The following RBFOX1 variants were observed in gnomAD, a reference collection of about 807,000 sequenced individuals.
The protein encoded by RBFOX1 is RNA binding fox-1 homolog 1.
Under a neutral mutation model 57.7 loss-of-function variants are expected in RBFOX1, and 8 were observed. That is an observed-to-expected ratio of 0.14 (90% confidence interval 0.08 to 0.25). RBFOX1 has a LOEUF of 0.25. RBFOX1 is among the 10% of genes least tolerant of loss of function. The pLI, the probability that RBFOX1 is intolerant of heterozygous loss-of-function variation, is 1.00. For synonymous variants in RBFOX1, 326 were observed against 222.4 expected, an observed-to-expected ratio of 1.47 and a Z score of -4.15; for missense variants, 611 against 548.5, an observed-to-expected ratio of 1.11 and a Z score of -1.14.
At chr16:7,449,725 T>G (rs1411139462) in intron 4 of RBFOX1, among the ~76,000 whole-genome samples, 2 of 71,244 alleles carry the variant, frequency 2.8e-5, no homozygotes, top group Non-Finnish European at 6.0e-5. Context: ...TGTGTGTGTG[T>G]GTGTGGGGGG....
chr16:5,296,957 T>C (rs1232945567), intron 1 of RBFOX1, among the ~76,000 whole-genome samples: 1 of 152,138 alleles, frequency 6.6e-6, no homozygotes, highest in Non-Finnish European at 1.5e-5. Context: ...ATTACAGGCA[T>C]GAGCTACCAT....
At chr16:7,347,401 A>G (rs765483755) in intron 4 of RBFOX1, among the ~76,000 whole-genome samples, 5 of 152,114 alleles carry the variant, frequency 3.3e-5, no homozygotes, top group Non-Finnish European at 7.4e-5. Flanking sequence ...TTTTAAAATC[A>G]TCAGGTTTCA....
At chr16:5,423,555 T>A (rs575800824) in intron 1 of RBFOX1, among the ~76,000 whole-genome samples, 13 of 152,306 alleles carry the variant, frequency 8.5e-5, no homozygotes, top group African/African-American at 3.1e-4. Context: ...CCTGGGCTGT[T>A]GCTGCGTGTC....
At chr16:6,780,386 TA>T (rs1373789495) in intron 3 of RBFOX1, among the ~76,000 whole-genome samples, 1 of 99,950 alleles carries the variant, frequency 1.0e-5, no homozygotes, top group African/African-American at 4.7e-5. Context: ...TATTTATACA[TA>T]TTATATATAT....
intron 5 of RBFOX1, among the ~76,000 whole-genome samples, chr16:7,576,023 T>G (rs1170816155): frequency 6.6e-6 from 1 of 151,942 alleles, no homozygotes; most frequent in Non-Finnish European, 1.5e-5. Context: ...AGCCTTGATC[T>G]CCTGGGCTCC....
chr16:6,018,861 C>T (rs971525326), upstream of RBFOX1, among the ~76,000 whole-genome samples: 3 of 151,938 alleles, frequency 2.0e-5, 1 homozygote, highest in South Asian at 4.2e-4. Context: ...GGCTCATTGC[C>T]CCAGCATCCA....
chr16:5,834,750 C>G lies in RBFOX1; in HGVS notation c.319-32553C>G, dbSNP rs558164902. ...ACATAGATACATACATACATACATACATACATACATACATACATGCACAGA... is the reference window on the plus strand; with the variant it reads ...ACATAGATACATACATACATACATAGATACATACATACATACATGCACAGA... On this transcript the variant is annotated intron_variant, in intron 3 of 19. Coordinates refer to the RBFOX1 transcript ENST00000641259. 6.1e-5 allele frequency among the ~76,000 whole-genome samples: 9 copies of G among 147,260 alleles called. No individual in the cohort carries two copies. In the South Asian group the frequency reaches 1.1e-3, roughly 18 times the overall value.
chr16:6,938,560 C>G (rs1047161537), intron 3 of RBFOX1, among the ~76,000 whole-genome samples: 10 of 93,918 alleles, frequency 1.1e-4, no homozygotes, highest in Admixed American at 4.2e-4. Context: ...CACTGAATTA[C>G]TGTATTTTTT....
intron 3 of RBFOX1, among the ~76,000 whole-genome samples, chr16:5,792,643 G>A (rs188057275): frequency 6.6e-6 from 1 of 152,274 alleles, no homozygotes; most frequent in East Asian, 1.9e-4. Context: ...AGGAGTTTGA[G>A]ACCAGCCTGG....
chr16:5,345,717 G>A (rs1024351339), intron 1 of RBFOX1, among the ~76,000 whole-genome samples: 1 of 152,154 alleles, frequency 6.6e-6, no homozygotes, highest in Admixed American at 6.6e-5. Flanking sequence ...ATCTCTTTCC[G>A]ATGCATGGGA....
chr16:7,273,997 G>GGACC (rs1431247727), intron 4 of RBFOX1, among the ~76,000 whole-genome samples: 9 of 152,100 alleles, frequency 5.9e-5, no homozygotes, highest in Admixed American at 5.9e-4. Flanking sequence ...TGTGGTTGAA[G>GGACC]GACCCTCCTT....
rs186572624 is a variant in RBFOX1, at chr16:7,448,859, T to G, written c.28-69288T>G. 2.0e-3 allele frequency among the ~76,000 whole-genome samples: 298 copies of G among 151,674 alleles called. 6 individuals are homozygous for G. Among genetic ancestry groups the G allele is most frequent in the Admixed American group, 0.015 (227 of 15,214 alleles). The stretch of plus-strand genomic sequence containing the variant: ...ACTTTAATCCGGTATAATCTCATCT[T>G]AACTAAATACATCTGCAACAAATAA... On this transcript the variant is annotated intron_variant, in intron 4 of 15. Transcript: ENST00000550418.
intron 5 of RBFOX1, among the ~76,000 whole-genome samples, chr16:7,525,558 A>C (rs2078510524): frequency 6.6e-6 from 1 of 152,124 alleles, no homozygotes; most frequent in Admixed American, 6.5e-5. Flanking sequence ...AAGGCCTGAC[A>C]CCCACACCCT....
intron 1 of RBFOX1, among the ~76,000 whole-genome samples, chr16:6,165,591 C>G (rs938092907): frequency 2.6e-5 from 4 of 152,184 alleles, no homozygotes; most frequent in African/African-American, 9.7e-5. Flanking sequence ...ATTTTTCAAC[C>G]TCCCTAAAAT....
At chr16:7,629,964 A>T (rs149720215) in intron 10 of RBFOX1, among the ~76,000 whole-genome samples, 3 of 152,300 alleles carry the variant, frequency 2.0e-5, no homozygotes, top group Non-Finnish European at 4.4e-5. Flanking sequence ...GATGGCAAAA[A>T]GTTGCAATTT....
intron 4 of RBFOX1, among the ~76,000 whole-genome samples, chr16:5,984,597 T>A (rs942634946): frequency 2.0e-5 from 3 of 152,110 alleles, no homozygotes; most frequent in African/African-American, 7.2e-5. Context: ...ATTCTGGTAT[T>A]ATCTTACCAT....
chr16:5,831,006 A>T (rs909524008), intron 3 of RBFOX1, among the ~76,000 whole-genome samples: 1 of 152,102 alleles, frequency 6.6e-6, no homozygotes, highest in South Asian at 2.1e-4. Flanking sequence ...CCTTGTTGTC[A>T]TGTAAATTAA....
intron 8 of RBFOX1, among the ~76,000 whole-genome samples, chr16:7,596,720 G>A (rs182190967): frequency 6.6e-6 from 1 of 152,286 alleles, no homozygotes; most frequent in East Asian, 1.9e-4. Flanking sequence ...ACTGGATTGA[G>A]TTATGACCGG....
intron 3 of RBFOX1, among the ~76,000 whole-genome samples, chr16:6,832,064 TAATC>T (rs1023846801): frequency 5.3e-5 from 8 of 152,248 alleles, no homozygotes; most frequent in Non-Finnish European, 1.0e-4. Context: ...AATTGCATAT[TAATC>T]AACCATTTGT....
Sources: allele counts gnomAD v4.1 joint callset (sites outside exome capture counted in the v4.1 genomes callset), GRCh38; gene constraint gnomAD v4.1.1; transcripts MANE v1.5; gene names NCBI Gene and HGNC (gene_info 2026-07-23, HGNC 2026-07-21).